GXYLT2: variants seen among roughly 807,000 people sequenced by gnomAD.
The protein encoded by GXYLT2 is glucoside xylosyltransferase 2.
A neutral mutation model predicts 45.8 loss-of-function variants in GXYLT2; 53 were observed. The observed-to-expected ratio is 1.16, with a 90% CI of 0.93 to 1.46. The LOEUF (loss-of-function observed/expected upper bound fraction) is 1.46. Ranked by LOEUF, GXYLT2 falls within the 40% of genes most tolerant of loss-of-function variation. The pLI, the probability that GXYLT2 is intolerant of heterozygous loss-of-function variation, is 0.00. For missense variants in GXYLT2, 551 were observed against 544.4 expected (o/e 1.01, Z -0.12); for synonymous variants, 219 against 214.2 (o/e 1.02, Z -0.19).
At chr3:72,916,536 G>GTTTGTT (rs959909202) in intron 2 of GXYLT2, among the ~76,000 whole-genome samples, 3 of 151,538 alleles carry the variant, frequency 2.0e-5, no homozygotes, top group South Asian at 2.1e-4. Flanking sequence ...AACTGAGTTT[G>GTTTGTT]TTTGTTTTTG....
At chr3:72,940,950 G>A (rs1575802984) in intron 3 of GXYLT2, among the ~76,000 whole-genome samples, 1 of 152,284 alleles carries the variant, frequency 6.6e-6, no homozygotes, top group African/African-American at 2.4e-5. Context: ...AAAGTGCTGG[G>A]ATTACAGGCA....
intron 3 of GXYLT2, among the ~76,000 whole-genome samples, chr3:72,952,222 C>T (rs757196677): frequency 5.9e-5 from 9 of 151,970 alleles, no homozygotes; most frequent in Non-Finnish European, 8.8e-5. Context: ...AGGCTGGTCT[C>T]AAACTCCTGA....
intron 1 of GXYLT2, among the ~76,000 whole-genome samples, chr3:72,892,632 C>T (rs1709203627): frequency 6.6e-6 from 1 of 152,160 alleles, no homozygotes; most frequent in Non-Finnish European, 1.5e-5. Flanking sequence ...CAAGAGGCAC[C>T]ATTTCCTGCA....
intron 1 of GXYLT2, among the ~76,000 whole-genome samples, chr3:72,891,785 C>T (rs1041221066): frequency 6.6e-6 from 1 of 152,092 alleles, no homozygotes; most frequent in Non-Finnish European, 1.5e-5. Flanking sequence ...CAAAAATAAA[C>T]AGTACCTTTG....
At chr3:72,928,480 CA>C (rs1709959896) in intron 3 of GXYLT2, among the ~76,000 whole-genome samples, 1 of 152,140 alleles carries the variant, frequency 6.6e-6, no homozygotes, top group Non-Finnish European at 1.5e-5. Context: ...CCTTGGGAGG[CA>C]CAGGCCATCA....
At chr3:72,903,541 C>T (rs1010654191) in intron 1 of GXYLT2, among the ~76,000 whole-genome samples, 2 of 152,276 alleles carry the variant, frequency 1.3e-5, no homozygotes, top group Admixed American at 1.3e-4. Context: ...ACTCCAGGGC[C>T]TCACCCAAGA....
At chr3:72,892,301 G>A (rs7634316) in intron 1 of GXYLT2, among the ~76,000 whole-genome samples, 1 of 151,966 alleles carries the variant, frequency 6.6e-6, no homozygotes, top group Non-Finnish European at 1.5e-5. Flanking sequence ...CCATCCTAGC[G>A]CTCTTACTGA....
Position 72,904,985 on chromosome 3 carries a change from G to A in GXYLT2, c.276-3382G>A, listed in dbSNP as rs181252791. 9.0e-4 allele frequency among the ~76,000 whole-genome samples: 131 copies of A among 146,366 alleles called. 1 individual carries two copies. Among genetic ancestry groups the A allele is most frequent in the African/African-American group, 3.2e-3 (127 of 39,720 alleles). On this transcript the variant is annotated intron_variant, in intron 1 of 6. Coordinates refer to ENST00000389617, the MANE Select transcript of GXYLT2 (RefSeq NM_001080393.2). ...AATTGCTTGAGCCTGGGAAATGGAG[G>A]TTGCAGTGAGCTGAGGTTGCAGTGA...
At position 72,955,140 on chromosome 3, in the gene GXYLT2, G is replaced by A. The variant is rs774450522; in HGVS notation, c.643G>A (p.Asp215Asn). The A allele has an allele frequency of 4.6e-5, 74 of 1,613,916 alleles. No individual in the cohort carries two copies. The highest frequency in any genetic ancestry group is 5.8e-5 in the Non-Finnish European group (68 of 1,179,856). ...DVDSLLYVDT[D>N]VLFLRPVDDI... is the part of the protein sequence containing the mutation. ...GGACTCACTTCTCTACGTGGACACC[G>A]ATGTCCTCTTTCTGAGACCTGTTGA... is the stretch of plus-strand genomic sequence containing the variant. Residue 215 changes from aspartate to asparagine, a missense_variant, in exon 4 of 7, where the codon GAT (aspartate) becomes AAT (asparagine). Coordinates refer to ENST00000389617, the MANE Select transcript of GXYLT2 (RefSeq NM_001080393.2).
rs1710613088 is a variant in GXYLT2 at position 72,955,167 on chromosome 3, G to T, written c.670G>T (p.Asp224Tyr). 6.2e-7 allele frequency: 1 copy of T among 1,613,880 alleles called. No individual in the cohort carries two copies. The highest frequency in any genetic ancestry group is 1.7e-5 in the Admixed American group (1 of 60,002). ...TGTCCTCTTTCTGAGACCTGTTGAT[G>T]ACATCTGGAAGCTTCTGAGGCTGTT... ...TDVLFLRPVD[D>Y]IWKLLRLFNS... The change falls in exon 4 of 7, where the codon GAC (aspartate) becomes TAC (tyrosine). Residue 224 changes from aspartate to tyrosine, a missense_variant. By Grantham distance (160) the Asp-to-Tyr change is radical. Coordinates refer to ENST00000389617, the MANE Select transcript of GXYLT2 (RefSeq NM_001080393.2).
chr3:72,897,132 G>A (rs1559724806), intron 1 of GXYLT2, among the ~76,000 whole-genome samples: 1 of 152,136 alleles, frequency 6.6e-6, no homozygotes, highest in African/African-American at 2.4e-5. Context: ...TAGGAGGTAG[G>A]AACTCATATT....
In GXYLT2 at chr3:72,974,000, G is replaced by A. The variant is rs549777067; in HGVS notation, c.1150-977G>A. ...GATTAATTTTAAAGGATTAACATTT[G>A]TTCTAGGAAACCAGACACCCACCTC... On this transcript the variant is annotated intron_variant, in intron 6 of 6. Coordinates refer to ENST00000389617, the MANE Select transcript of GXYLT2 (RefSeq NM_001080393.2). Among the ~76,000 whole-genome samples the A allele has an allele frequency of 7.2e-5, 11 of 152,166 alleles. No homozygotes were observed. The South Asian group carries it at 1.7e-3, about 23-fold the overall frequency.
chr3:72,925,310 C>T (rs1709898278), intron 3 of GXYLT2, among the ~76,000 whole-genome samples: 1 of 152,050 alleles, frequency 6.6e-6, no homozygotes, highest in Admixed American at 6.5e-5. Context: ...CGCATACCAC[C>T]ATGCCCCGCT....
chr3:72,911,846 C>T (rs1709628662), intron 2 of GXYLT2, among the ~76,000 whole-genome samples: 1 of 151,666 alleles, frequency 6.6e-6, no homozygotes, highest in Non-Finnish European at 1.5e-5. Context: ...TAGCTTACTG[C>T]ATCCTTGAAC....
intron 5 of GXYLT2, among the ~76,000 whole-genome samples, chr3:72,959,833 C>A: frequency 6.6e-6 from 1 of 152,058 alleles, no homozygotes; most frequent in Non-Finnish European, 1.5e-5. Flanking sequence ...CAGGGTTTCG[C>A]CATGTTGGCC....
intron 5 of GXYLT2, among the ~76,000 whole-genome samples, chr3:72,959,759 C>T (rs1320328925): frequency 6.6e-6 from 1 of 151,878 alleles, no homozygotes; most frequent in African/African-American, 2.4e-5. Context: ...CTCAGCCTCC[C>T]AAGTAGCTGG....
chr3:72,891,716 T>C (rs186838868), intron 1 of GXYLT2, among the ~76,000 whole-genome samples: 1 of 152,250 alleles, frequency 6.6e-6, no homozygotes, highest in East Asian at 1.9e-4. Flanking sequence ...AATAAGTCCA[T>C]TGAAATGGTA....
At chr3:72,938,915 G>A (rs1275358908) in intron 3 of GXYLT2, among the ~76,000 whole-genome samples, 1 of 152,184 alleles carries the variant, frequency 6.6e-6, no homozygotes, top group East Asian at 1.9e-4. Flanking sequence ...AATCTTGTTT[G>A]CAAAGACTAA....
chr3:72,967,814 C>A, intron 6 of GXYLT2, 95 bp downstream of exon 6: 1 of 1,028,604 alleles, frequency 9.7e-7, no homozygotes, highest in Non-Finnish European at 1.5e-6. Context: ...CCAAATATTC[C>A]CAAAGCATAG....
Sources: allele counts gnomAD v4.1 joint callset (sites outside exome capture counted in the v4.1 genomes callset), GRCh38; gene constraint gnomAD v4.1.1; transcripts MANE v1.5; gene names NCBI Gene and HGNC (gene_info 2026-07-23, HGNC 2026-07-21).